Variants in FZD1 observed in about 807,000 individuals in gnomAD.
FZD1 encodes the protein frizzled class receptor 1.
FZD1 carries 22 observed loss-of-function variants against 48.0 expected under a neutral mutation model. That is an observed-to-expected ratio of 0.46 (90% CI 0.33 to 0.65). The LOEUF is 0.65. Among genes scored for constraint, FZD1 ranks in the 30% least tolerant of loss-of-function variants. FZD1 has a pLI of 0.02. For synonymous variants in FZD1, 486 were observed against 409.6 expected, an observed-to-expected ratio of 1.19 and a Z score of -2.25; for missense variants, 843 against 898.1, an observed-to-expected ratio of 0.94 and a Z score of 0.78.
rs774358844 is a variant in FZD1, at chr7:91,266,828, C to G, written c.*4C>G. ...ACAAGGGGAGACTACAGTCTGAGACCCGGGGCTCAGCCCATGCCCAGGCCT... is the reference window on the plus strand; with the variant it reads ...ACAAGGGGAGACTACAGTCTGAGACGCGGGGCTCAGCCCATGCCCAGGCCT... On this transcript the variant is annotated 3_prime_UTR_variant, in exon 1 of 1. Coordinates refer to ENST00000287934, the MANE Select transcript of FZD1 (RefSeq NM_003505.2). The surrounding 1 kb of genome is among the most constrained non-coding windows in gnomAD (Gnocchi z 6.8). 45 of 1,564,444 alleles carry G rather than the reference C, an allele frequency of 2.9e-5. No individual in the cohort carries two copies. Among genetic ancestry groups the G allele is most frequent in the Non-Finnish European group, 3.4e-5 (39 of 1,150,614 alleles).
In FZD1 at chr7:91,265,534, C is replaced by G. The variant is rs2232160; in HGVS notation, c.654C>G (p.Phe218Leu). 3 of 1,611,744 alleles carry G rather than the reference C, an allele frequency of 1.9e-6. No homozygotes were observed. The highest frequency in any genetic ancestry group is 2.5e-6 in the Non-Finnish European group (3 of 1,179,832). ...CAGACACGCTCAAGTGTGAGAAGTT[C>G]CCGGTGCACGGCGCCGGCGAGCTGT... The part of the protein sequence containing the change: ...QWPDTLKCEK[F>L]PVHGAGELCV... The change falls in exon 1 of 1, where the codon TTC becomes TTG. Residue 218 changes from phenylalanine to leucine, a missense_variant. By Grantham distance (22) the Phe-to-Leu change is conservative. Coordinates refer to ENST00000287934, the MANE Select transcript of FZD1 (RefSeq NM_003505.2). This position sits in a 1 kb window ranked among gnomAD's most constrained non-coding sequence, Gnocchi z 6.9.
rs1803929253 is a variant in FZD1 at position 91,268,871 on chromosome 7, A to C, written c.*2047A>C. 6.0e-6 allele frequency: 1 copy of C among 167,014 alleles called. No individual in the cohort carries two copies. Among genetic ancestry groups the C allele is most frequent in the Admixed American group, 6.5e-5 (1 of 15,272 alleles). The allele number at this position is 167,014 out of a possible 1,614,324, so 10.3% of individuals were successfully genotyped here. A position where few individuals can be genotyped will look rare whatever the true frequency, so the allele number is the denominator to read the frequency against. On this transcript the variant is annotated 3_prime_UTR_variant, in exon 1 of 1. Coordinates refer to ENST00000287934, the MANE Select transcript of FZD1 (RefSeq NM_003505.2). ...AACCCTCAGATCAGTCTTTCCAAAG[A>C]ATTACTCTGTTTGCATTGTTGTGAT...
Position 91,265,417 on chromosome 7 carries a change from G to A in FZD1, c.537G>A (p.Val179=), listed in dbSNP as rs763226057. The change falls in exon 1 of 1, where the codon GTG becomes GTA. Residue 179 remains valine, a synonymous_variant. Coordinates refer to ENST00000287934, the MANE Select transcript of FZD1 (RefSeq NM_003505.2). This position sits in a 1 kb window ranked among gnomAD's most constrained non-coding sequence, Gnocchi z 6.9. ...CCATGTACGCGCCCGTGTGCACCGT[G>A]CTAGAGCAGGCGCTGCCGCCCTGCC... ...LCSMYAPVCT[V]LEQALPPCRS... 3.7e-6 allele frequency: 6 copies of A among 1,613,758 alleles called. No homozygotes were observed. Among genetic ancestry groups the A allele is most frequent in the South Asian group, 1.1e-5 (1 of 91,088 alleles).
In FZD1 at chr7:91,265,184, T is replaced by G; in HGVS notation, c.304T>G (p.Tyr102Asp). The change falls in exon 1 of 1, where the codon TAC (tyrosine) becomes GAC (aspartate). Residue 102 changes from tyrosine to aspartate, a missense_variant. Tyr to Asp is a radical substitution (Grantham distance 160, BLOSUM62 -3). This residue lies in a region of FZD1 where 490 missense variants were observed against 466.5 expected (regional missense o/e 1.05). Transcript: ENST00000287934. This position sits in a 1 kb window ranked among gnomAD's most constrained non-coding sequence, Gnocchi z 6.9. ...PPQQQQSGQQ[Y>D]NGERGISVPD... The stretch of plus-strand genomic sequence containing the variant: ...TCAGCAGCAACAGAGCGGGCAGCAG[T>G]ACAACGGCGAGCGGGGCATCTCCGT... The G allele has an allele frequency of 7.4e-6, 12 of 1,612,560 alleles. No homozygotes were observed. The highest frequency in any genetic ancestry group is 1.3e-5 in the African/African-American group (1 of 74,972).
Position 91,266,733 on chromosome 7 carries a change from G to C in FZD1, c.1853G>C (p.Gly618Ala), listed in dbSNP as rs1429143613. Residue 618 changes from glycine to alanine, a missense_variant, in exon 1 of 1, where the codon GGC (glycine) becomes GCC (alanine). Coordinates refer to ENST00000287934, the MANE Select transcript of FZD1 (RefSeq NM_003505.2). This position sits in a 1 kb window ranked among gnomAD's most constrained non-coding sequence, Gnocchi z 6.8. ...LMTLIVGITS[G>A]FWIWSGKTLN... is the part of the protein sequence containing the mutation. Reference sequence around the variant, plus strand: ...ACGCTGATCGTGGGCATCACGTCGGGCTTCTGGATCTGGTCCGGCAAGACC... The same window carrying C: ...ACGCTGATCGTGGGCATCACGTCGGCCTTCTGGATCTGGTCCGGCAAGACC... The C allele has an allele frequency of 1.2e-6, 2 of 1,613,524 alleles. No homozygotes were observed. The highest frequency in any genetic ancestry group is 2.7e-5 in the African/African-American group (2 of 74,934).
rs767199058 is a variant in FZD1 at position 91,266,689 on chromosome 7, C to T, written c.1809C>T (p.Phe603=). The part of the protein sequence containing the change: ...HPPMSPDFTV[F]MIKYLMTLIV... ...CCATGAGCCCGGACTTCACGGTCTT[C>T]ATGATTAAGTACCTTATGACGCTGA... is the stretch of plus-strand genomic sequence containing the variant. The change falls in exon 1 of 1, where the codon TTC becomes TTT. Residue 603 remains phenylalanine, a synonymous_variant. Transcript: ENST00000287934. This position sits in a 1 kb window ranked among gnomAD's most constrained non-coding sequence, Gnocchi z 6.8. The T allele has an allele frequency of 6.2e-7, 1 of 1,611,700 alleles. No homozygotes were observed. Among genetic ancestry groups the T allele is most frequent in the Non-Finnish European group, 8.5e-7 (1 of 1,178,404 alleles).
Position 91,266,666 on chromosome 7 carries a change from A to G in FZD1, c.1786A>G (p.Met596Val), listed in dbSNP as rs1584244491. The change falls in exon 1 of 1, where the codon ATG (methionine) becomes GTG (valine). Residue 596 changes from methionine to valine, a missense_variant. Met to Val is a conservative substitution (Grantham distance 21). Coordinates refer to ENST00000287934, the MANE Select transcript of FZD1 (RefSeq NM_003505.2). This position sits in a 1 kb window ranked among gnomAD's most constrained non-coding sequence, Gnocchi z 6.8. ...AGGGAPPHPP[M>V]SPDFTVFMIK... is the part of the protein sequence containing the mutation. Reference sequence around the variant, plus strand: ...CGGAGGCGCCCCGCCGCACCCGCCCATGAGCCCGGACTTCACGGTCTTCAT... The same window carrying G: ...CGGAGGCGCCCCGCCGCACCCGCCCGTGAGCCCGGACTTCACGGTCTTCAT... 1.3e-6 allele frequency: 2 copies of G among 1,596,106 alleles called. No individual in the cohort carries two copies. The highest frequency in any genetic ancestry group is 1.7e-6 in the Non-Finnish European group (2 of 1,166,752).
In FZD1 at chr7:91,265,125, G is replaced by C. The variant is rs1803850241; in HGVS notation, c.245G>C (p.Gly82Ala). The C allele has an allele frequency of 6.5e-7, 1 of 1,528,644 alleles. No individual in the cohort carries two copies. Among genetic ancestry groups the C allele is most frequent in the Admixed American group, 2.0e-5 (1 of 51,054 alleles). 94.7% of individuals were successfully genotyped at this position (1,528,644 alleles called of 1,614,324 possible). A position where few individuals can be genotyped will look rare whatever the true frequency, so the allele number is the denominator to read the frequency against. Residue 82 changes from glycine to alanine, a missense_variant, in exon 1 of 1, where the codon GGG becomes GCG. Physicochemically the swap from Gly to Ala is moderately conservative, Grantham distance 60 (BLOSUM62 0). This residue lies in a region of FZD1 where 490 missense variants were observed against 466.5 expected (regional missense o/e 1.05). Transcript: ENST00000287934. The surrounding 1 kb of genome is among the most constrained non-coding windows in gnomAD (Gnocchi z 6.9). Reference protein sequence around the residue: ...AQAAGQGPGQGPGPGQQPPPP... With the variant: ...AQAAGQGPGQAPGPGQQPPPP... ...GCGGCGGGCCAGGGGCCAGGCCAGG[G>C]GCCCGGGCCGGGGCAGCAACCGCCG... is the stretch of plus-strand genomic sequence containing the variant.
In FZD1 at chr7:91,266,941, C is replaced by CT; in HGVS notation, c.*120dup. 1.5e-6 allele frequency: 1 copy of CT among 688,812 alleles called. No homozygotes were observed. Among genetic ancestry groups the CT allele is most frequent in the East Asian group, 2.6e-5 (1 of 38,388 alleles). 42.7% of individuals were successfully genotyped at this position (688,812 alleles called of 1,614,324 possible). ...CGAGGTTTCCTCACTAGACAACTCT[C>CT]TTTCGCAGGCTCCTTTGAACAACTC... On this transcript the variant is annotated 3_prime_UTR_variant, in exon 1 of 1. Transcript: ENST00000287934. This position sits in a 1 kb window ranked among gnomAD's most constrained non-coding sequence, Gnocchi z 6.8.
Position 91,266,907 on chromosome 7 carries a change from C to G in FZD1, c.*83C>G. ...CAGCGCCGTGGAGTTCGTGCCAATC[C>G]TGACATCTCGAGGTTTCCTCACTAG... On this transcript the variant is annotated 3_prime_UTR_variant, in exon 1 of 1. Coordinates refer to ENST00000287934, the MANE Select transcript of FZD1 (RefSeq NM_003505.2). The surrounding 1 kb of genome is among the most constrained non-coding windows in gnomAD (Gnocchi z 6.8). 1 of 888,592 alleles carries G rather than the reference C, an allele frequency of 1.1e-6. No individual in the cohort carries two copies. Among genetic ancestry groups the G allele is most frequent in the South Asian group, 1.6e-5 (1 of 61,384 alleles). 55.0% of individuals were successfully genotyped at this position (888,592 alleles called of 1,614,324 possible).
Position 91,267,149 on chromosome 7 carries a change from T to A in FZD1, c.*325T>A. The A allele has an allele frequency of 4.5e-6, 1 of 220,726 alleles. No individual in the cohort carries two copies. Among genetic ancestry groups the A allele is most frequent in the Admixed American group, 5.4e-5 (1 of 18,464 alleles). The allele number at this position is 220,726 out of a possible 1,614,324, so 13.7% of individuals were successfully genotyped here. A position where few individuals can be genotyped will look rare whatever the true frequency, so the allele number is the denominator to read the frequency against. On this transcript the variant is annotated 3_prime_UTR_variant, in exon 1 of 1. Coordinates refer to ENST00000287934, the MANE Select transcript of FZD1 (RefSeq NM_003505.2). The stretch of plus-strand genomic sequence containing the variant: ...TATTTAAATGACGACCGATCACGCG[T>A]TTTTCTTTTTCAAAAGTTTTTAATT...
chr7:91,265,613 G>T lies in FZD1; in HGVS notation c.733G>T (p.Glu245Ter). ...CACCCCGACGCCCTCGCTGCTTCCA[G>T]AGTTCTGGACCAGCAACCCTCAGCA... is the stretch of plus-strand genomic sequence containing the variant. ...KGTPTPSLLP[E>*]FWTSNPQHGG... The change falls in exon 1 of 1, where the codon GAG becomes TAG. Residue 245 changes from glutamate (E) to a stop codon, truncating the protein, a stop_gained. Coordinates refer to ENST00000287934, the MANE Select transcript of FZD1 (RefSeq NM_003505.2). LOFTEE classifies it high-confidence loss of function. This position sits in a 1 kb window ranked among gnomAD's most constrained non-coding sequence, Gnocchi z 6.9. 6.2e-7 allele frequency: 1 copy of T among 1,606,526 alleles called. No homozygotes were observed.
rs1036868463 is a variant in FZD1, at chr7:91,267,452, G to T, written c.*628G>T. The T allele has an allele frequency of 3.0e-5, 5 of 167,308 alleles. No homozygotes were observed. The Admixed American group carries it at 3.3e-4, about 11-fold the overall frequency. The allele number at this position is 167,308 out of a possible 1,614,324, so 10.4% of individuals were successfully genotyped here. A position where few individuals can be genotyped will look rare whatever the true frequency, so the allele number is the denominator to read the frequency against. ...CCTTTCTTTCCTGGCTTGAGGTAGG[G>T]GCTCTTAAGGTACAGAACTCCACAA... On this transcript the variant is annotated 3_prime_UTR_variant, in exon 1 of 1. Coordinates refer to ENST00000287934, the MANE Select transcript of FZD1 (RefSeq NM_003505.2).
Position 91,269,743 on chromosome 7 carries a change from T to C in FZD1, c.*2919T>C, listed in dbSNP as rs947040054. ...CATAATATAGTAGATAGAGGGTTTATTGTATAGACATACACAAAAAAATAG... is the reference window on the plus strand; with the variant it reads ...CATAATATAGTAGATAGAGGGTTTACTGTATAGACATACACAAAAAAATAG... On this transcript the variant is annotated 3_prime_UTR_variant, in exon 1 of 1. Coordinates refer to ENST00000287934, the MANE Select transcript of FZD1 (RefSeq NM_003505.2). The C allele has an allele frequency of 1.8e-5, 3 of 166,922 alleles. No homozygotes were observed. Among genetic ancestry groups the C allele is most frequent in the Non-Finnish European group, 2.9e-5 (2 of 68,104 alleles). 10.3% of individuals were successfully genotyped at this position (166,922 alleles called of 1,614,324 possible). A position where few individuals can be genotyped will look rare whatever the true frequency, so the allele number is the denominator to read the frequency against.
At position 91,269,662 on chromosome 7, in the gene FZD1, T is replaced by C. The variant is rs1803939231; in HGVS notation, c.*2838T>C. On this transcript the variant is annotated 3_prime_UTR_variant, in exon 1 of 1. Coordinates refer to ENST00000287934, the MANE Select transcript of FZD1 (RefSeq NM_003505.2). ...ATTAGATCTTACTAAAAATGTAGCA[T>C]TTGATTTTAAGTAGCAAGATGCAAT... 1 of 167,020 alleles carries C rather than the reference T, an allele frequency of 6.0e-6. No individual in the cohort carries two copies. Among genetic ancestry groups the C allele is most frequent in the Non-Finnish European group, 1.5e-5 (1 of 68,088 alleles). The allele number at this position is 167,020 out of a possible 1,614,324, so 10.3% of individuals were successfully genotyped here. A position where few individuals can be genotyped will look rare whatever the true frequency, so the allele number is the denominator to read the frequency against.
In FZD1 at chr7:91,264,786, C is replaced by G. The variant is rs956282431; in HGVS notation, c.-95C>G. On this transcript the variant is annotated 5_prime_UTR_variant, in exon 1 of 1. Coordinates refer to ENST00000287934, the MANE Select transcript of FZD1 (RefSeq NM_003505.2). ...GCGGCTTGGGCTCGACGGAGGGCACCCGCGCAGAGGTCTCCCTGGCCGCAG... is the reference window on the plus strand; with the variant it reads ...GCGGCTTGGGCTCGACGGAGGGCACGCGCGCAGAGGTCTCCCTGGCCGCAG... 1.4e-5 allele frequency: 11 copies of G among 811,756 alleles called. No homozygotes were observed. Among genetic ancestry groups the G allele is most frequent in the African/African-American group, 3.6e-5 (2 of 56,228 alleles). 50.3% of individuals were successfully genotyped at this position (811,756 alleles called of 1,614,324 possible).
In FZD1 at chr7:91,269,956, G is replaced by T. The variant is rs1439668526; in HGVS notation, c.*3132G>T. ...AGGTTTTACATGCTGTGGTTAAATA[G>T]CTTTAGAAGACATTTTTAAGTCACC... On this transcript the variant is annotated 3_prime_UTR_variant, in exon 1 of 1. Transcript: ENST00000287934. The T allele has an allele frequency of 1.8e-5, 3 of 167,066 alleles. No homozygotes were observed. The highest frequency in any genetic ancestry group is 4.4e-5 in the Non-Finnish European group (3 of 68,108). The allele number at this position is 167,066 out of a possible 1,614,324, so 10.3% of individuals were successfully genotyped here.
At position 91,265,233 on chromosome 7, in the gene FZD1, C is replaced by T. The variant is rs942183361; in HGVS notation, c.353C>T (p.Pro118Leu). The T allele has an allele frequency of 1.2e-6, 2 of 1,613,964 alleles. No homozygotes were observed. The highest frequency in any genetic ancestry group is 1.7e-5 in the Admixed American group (1 of 60,010). ...GTCCCGGACCACGGCTATTGCCAGC[C>T]CATCTCCATCCCGCTGTGCACGGAC... The part of the protein sequence containing the change: ...ISVPDHGYCQ[P>L]ISIPLCTDIA... Residue 118 changes from proline (P) to leucine (L), a missense_variant, in exon 1 of 1, where the codon CCC becomes CTC. Pro to Leu is a moderately conservative substitution (Grantham distance 98, BLOSUM62 -3). This residue lies in a region of FZD1 where 490 missense variants were observed against 466.5 expected (regional missense o/e 1.05). Coordinates refer to ENST00000287934, the MANE Select transcript of FZD1 (RefSeq NM_003505.2). The surrounding 1 kb of genome is among the most constrained non-coding windows in gnomAD (Gnocchi z 6.9).
In FZD1 at chr7:91,264,471, T is replaced by G; in HGVS notation, c.-410T>G. ...GCGAGGCAGAGGAGAGGGAGCGAGTTGAGGGATTGACACAAATGGTCAGGC... is the reference window on the plus strand; with the variant it reads ...GCGAGGCAGAGGAGAGGGAGCGAGTGGAGGGATTGACACAAATGGTCAGGC... On this transcript the variant is annotated 5_prime_UTR_variant, in exon 1 of 1. Transcript: ENST00000287934. 3.9e-6 allele frequency: 1 copy of G among 255,554 alleles called. No individual in the cohort carries two copies. Among genetic ancestry groups the G allele is most frequent in the Non-Finnish European group, 7.5e-6 (1 of 134,192 alleles). 15.8% of individuals were successfully genotyped at this position (255,554 alleles called of 1,614,324 possible).
Sources: allele counts gnomAD v4.1 joint callset, GRCh38; gene constraint gnomAD v4.1.1; regional missense constraint gnomAD v4.1.1; non-coding constraint Gnocchi (gnomAD v3.1); transcripts MANE v1.5; gene names NCBI Gene and HGNC (gene_info 2026-07-23, HGNC 2026-07-21).